Variants in VSTM4 observed in about 807,000 individuals in gnomAD.
VSTM4 encodes V-set and transmembrane domain containing 4.
VSTM4 carries 20 observed loss-of-function variants against 36.4 expected under a neutral mutation model. The observed-to-expected ratio is 0.55, with a 90% CI of 0.39 to 0.80. VSTM4 has a LOEUF of 0.80. Among genes scored for constraint, VSTM4 ranks in the 30% least tolerant of loss-of-function variants. The pLI, the probability that VSTM4 is intolerant of heterozygous loss-of-function variation, is 0.00. For missense variants in VSTM4, 392 were observed against 404.5 expected (o/e 0.97, Z 0.26); for synonymous variants, 182 against 173.9 (o/e 1.05, Z -0.37).
At chr10:49,052,466 T>G (rs1843713077) in intron 5 of VSTM4, among the ~76,000 whole-genome samples, 1 of 151,360 alleles carries the variant, frequency 6.6e-6, no homozygotes, top group Admixed American at 6.6e-5. Context: ...ATTTAGGATT[T>G]TCTTGATTTC....
At chr10:49,052,696 T>C (rs1227707843) in intron 5 of VSTM4, among the ~76,000 whole-genome samples, 2 of 152,336 alleles carry the variant, frequency 1.3e-5, no homozygotes, top group African/African-American at 4.8e-5. Context: ...CCTTGCACGG[T>C]GTAGAATCAA....
chr10:49,109,607 C>T (rs533837599), intron 1 of VSTM4, among the ~76,000 whole-genome samples: 56 of 152,258 alleles, frequency 3.7e-4, no homozygotes, highest in Admixed American at 1.0e-3. Flanking sequence ...TGTCATATAA[C>T]GTTCCATTCA....
At chr10:49,037,893 C>T (rs1163495493) in intron 7 of VSTM4, among the ~76,000 whole-genome samples, 1 of 151,270 alleles carries the variant, frequency 6.6e-6, no homozygotes, top group African/African-American at 2.4e-5. Context: ...CAAATCAAAA[C>T]CACAATGAGA....
intron 3 of VSTM4, 41 bp downstream of exon 3, chr10:49,085,914 C>A (rs745906936): frequency 2.5e-5 from 32 of 1,277,064 alleles, no homozygotes; most frequent in Admixed American, 9.4e-5. Flanking sequence ...AAAGAAAAAG[C>A]AACTATAGAG....
chr10:49,070,216 G>T (rs1250458428), intron 4 of VSTM4, among the ~76,000 whole-genome samples: 1 of 49,416 alleles, frequency 2.0e-5, no homozygotes, highest in African/African-American at 1.7e-4. Flanking sequence ...TCCCGCCACT[G>T]CACTCCAGCC....
At chr10:49,075,295 T>C (rs1844156906) in intron 4 of VSTM4, among the ~76,000 whole-genome samples, 1 of 152,028 alleles carries the variant, frequency 6.6e-6, no homozygotes, top group African/African-American at 2.4e-5. Context: ...CTCTCGATCA[T>C]GCCCCTGAGC....
intron 7 of VSTM4, among the ~76,000 whole-genome samples, chr10:49,040,064 C>T (rs1035899774): frequency 6.6e-6 from 1 of 152,104 alleles, no homozygotes; most frequent in South Asian, 2.1e-4. Context: ...CAATGCCTCA[C>T]CCCAAGGGGA....
chr10:49,065,491 A>G (rs1333927859), intron 4 of VSTM4, among the ~76,000 whole-genome samples: 2 of 152,216 alleles, frequency 1.3e-5, no homozygotes, highest in Middle Eastern at 3.2e-3. Flanking sequence ...ACATTAGCCA[A>G]TGTGTCACAA....
intron 5 of VSTM4, among the ~76,000 whole-genome samples, chr10:49,055,510 T>G (rs570453673): frequency 6.6e-6 from 1 of 152,344 alleles, no homozygotes; most frequent in South Asian, 2.1e-4. Context: ...TGCCATCTTT[T>G]AAAGTAAAAT....
chr10:49,091,486 A>G (rs925604866), intron 2 of VSTM4, among the ~76,000 whole-genome samples: 1 of 152,258 alleles, frequency 6.6e-6, no homozygotes, highest in Admixed American at 6.5e-5. Flanking sequence ...CAGGCTGGAA[A>G]GAAAGAGCCT....
intron 5 of VSTM4, chr10:49,064,198 A>C (rs1843930876): frequency 6.5e-6 from 1 of 153,696 alleles, no homozygotes; most frequent in Non-Finnish European, 1.4e-5. Flanking sequence ...CTCAGCAGGA[A>C]AGAGAAGGAA....
At chr10:49,095,761 C>T (rs1242326614) in intron 2 of VSTM4, among the ~76,000 whole-genome samples, 2 of 152,166 alleles carry the variant, frequency 1.3e-5, no homozygotes, top group South Asian at 2.1e-4. Context: ...TTTCTGTTTG[C>T]TACCTCCATA....
At chr10:49,029,050 A>G (rs915390925) in intron 7 of VSTM4, among the ~76,000 whole-genome samples, 38 of 152,350 alleles carry the variant, frequency 2.5e-4, no homozygotes, top group African/African-American at 8.7e-4. Flanking sequence ...CAGCCACTGC[A>G]CATACAACTA....
chr10:49,053,881 A>G (rs1302011985), intron 5 of VSTM4, among the ~76,000 whole-genome samples: 1 of 152,238 alleles, frequency 6.6e-6, no homozygotes, highest in Non-Finnish European at 1.5e-5. Context: ...TGCATTCCTG[A>G]GCGATGGGCA....
chr10:49,110,150 G>C (rs1844866587), intron 1 of VSTM4, among the ~76,000 whole-genome samples: 1 of 152,244 alleles, frequency 6.6e-6, no homozygotes, highest in Non-Finnish European at 1.5e-5. Flanking sequence ...TGGAGGCCAG[G>C]AGAGCTGAGG....
chr10:49,103,529 A>G (rs369140190), intron 2 of VSTM4: 2 of 1,300,500 alleles, frequency 1.5e-6, no homozygotes, highest in Non-Finnish European at 1.9e-6. Flanking sequence ...CTTTTGCAAT[A>G]GAAAACAACC....
In VSTM4 at chr10:49,073,946, T is replaced by C. The variant is rs189116856; in HGVS notation, c.634+3273A>G. Among the ~76,000 whole-genome samples, 1,272 of 152,262 alleles carry C rather than the reference T, an allele frequency of 8.4e-3. 9 individuals carry two copies. The highest frequency in any genetic ancestry group is 0.013 in the Non-Finnish European group (903 of 68,012). The stretch of plus-strand genomic sequence containing the variant: ...AAGGGTGTGCAAATTGGCTGAAGAG[T>C]GTTTTCTTTCATTAAAAACCCTACC... On this transcript the variant is annotated intron_variant, in intron 4 of 7. Coordinates refer to ENST00000332853, the MANE Select transcript of VSTM4 (RefSeq NM_001031746.5).
At chr10:49,054,394 A>C (rs1331286005) in intron 5 of VSTM4, among the ~76,000 whole-genome samples, 1 of 152,188 alleles carries the variant, frequency 6.6e-6, no homozygotes, top group East Asian at 1.9e-4. Flanking sequence ...TCCTGCCCCA[A>C]AGGGAGGAGG....
intron 7 of VSTM4, among the ~76,000 whole-genome samples, chr10:49,025,065 C>A (rs769894756): frequency 3.3e-5 from 5 of 151,892 alleles, no homozygotes; most frequent in Non-Finnish European, 7.4e-5. Context: ...CATGAAGACA[C>A]AAGGAGAAGG....
Sources: allele counts gnomAD v4.1 joint callset (sites outside exome capture counted in the v4.1 genomes callset), GRCh38; gene constraint gnomAD v4.1.1; transcripts MANE v1.5; gene names NCBI Gene and HGNC (gene_info 2026-07-23, HGNC 2026-07-21).